NEBL: variants seen among roughly 807,000 people sequenced by gnomAD.
NEBL encodes LIM and SH3 protein 2.
In NEBL, 122 loss-of-function variants were observed where a neutral mutation model predicts 140.2. The ratio of observed to expected loss-of-function variants is 0.87; its 90% CI spans 0.75 to 1.01. The LOEUF is 1.01. Among genes scored for constraint, NEBL ranks in the 50% least tolerant of loss-of-function variants. The pLI is 0.00. For synonymous variants in NEBL, 436 were observed against 398.9 expected (o/e 1.09, Z -1.11); for missense variants, 1,365 against 1,231.3 (o/e 1.11, Z -1.62).
At chr10:21,105,080 C>T (rs956974718) in intron 2 of NEBL, among the ~76,000 whole-genome samples, 4 of 152,054 alleles carry the variant, frequency 2.6e-5, no homozygotes, top group East Asian at 1.9e-4. Flanking sequence ...CCCCACTTGG[C>T]GATGATATTA....
At chr10:21,070,829 G>A (rs1013380903) in intron 2 of NEBL, among the ~76,000 whole-genome samples, 5 of 152,160 alleles carry the variant, frequency 3.3e-5, no homozygotes, top group Non-Finnish European at 7.4e-5. Context: ...TGGCATACAT[G>A]TCTAAGAAGG....
At position 21,184,806 on chromosome 10, in the gene NEBL, C is replaced by T. The variant is rs185579787; in HGVS notation, n.349-12329G>A. Among the ~76,000 whole-genome samples, 533 of 152,234 alleles carry T rather than the reference C, an allele frequency of 3.5e-3. 3 individuals are homozygous for T. The highest frequency in any genetic ancestry group is 0.012 in the African/African-American group (511 of 41,532). ...GAAAAAGGTTATAAAAACATTTGTT[C>T]GTGATGATATCATTTTTTGTTAATT... On this transcript the variant is annotated intron_variant and non_coding_transcript_variant, in intron 3 of 8. Coordinates refer to the NEBL transcript ENST00000675702.
intron 23 of NEBL, among the ~76,000 whole-genome samples, chr10:20,813,200 T>C (rs1044022727): frequency 2.7e-5 from 4 of 150,862 alleles, no homozygotes; most frequent in African/African-American, 9.7e-5. Context: ...TATATATTAT[T>C]AATGAGAGCT....
chr10:20,960,374 CAGTATTCATGACTGATG>C (rs1835996100), intron 4 of NEBL, among the ~76,000 whole-genome samples: 1 of 152,006 alleles, frequency 6.6e-6, no homozygotes, highest in African/African-American at 2.4e-5. Flanking sequence ...CAGTGATCTT[CAGTATTCATGACTGATG>C]GATTGCTGGG....
In NEBL at chr10:20,852,614, T is replaced by G. The variant is rs542028206; in HGVS notation, c.939A>C (p.Gly313=). 1 of 1,613,594 alleles carries G rather than the reference T, an allele frequency of 6.2e-7. No individual in the cohort carries two copies. The highest frequency in any genetic ancestry group is 8.5e-7 in the Non-Finnish European group (1 of 1,179,788). ...CAGCATCTGCATCAAAATGATACAT[T>G]CCTTTGTTTTCCTCAAAGAGCTTTT... ...EYKKLFEENK[G]MYHFDADAVE... The change falls in exon 10 of 28, where the codon GGA becomes GGC. Residue 313 remains glycine (G), a synonymous_variant. Transcript: ENST00000377122.
At chr10:20,848,801 C>T (rs1381529515) in intron 11 of NEBL, among the ~76,000 whole-genome samples, 1 of 152,136 alleles carries the variant, frequency 6.6e-6, no homozygotes, top group Non-Finnish European at 1.5e-5. Flanking sequence ...AGATTGGAGA[C>T]CACTGAATAA....
chr10:20,961,615 T>A, intron 4 of NEBL: 1 of 1,285,968 alleles, frequency 7.8e-7, no homozygotes, highest in East Asian at 2.3e-5. Context: ...CAGCCTCCCT[T>A]TCTCATCCAG....
intron 24 of NEBL, among the ~76,000 whole-genome samples, chr10:20,811,386 G>A (rs1588660520): frequency 6.6e-6 from 1 of 152,138 alleles, no homozygotes; most frequent in Non-Finnish European, 1.5e-5. Flanking sequence ...CACCCTAAGT[G>A]AGATAAATCA....
intron 4 of NEBL, among the ~76,000 whole-genome samples, chr10:20,926,528 T>C (rs1833922128): frequency 6.6e-6 from 1 of 152,228 alleles, no homozygotes; most frequent in Non-Finnish European, 1.5e-5. Context: ...CCCAAGGTTA[T>C]CAAGTATGAG....
chr10:21,254,333 A>G (rs919586356), intron 1 of NEBL, among the ~76,000 whole-genome samples: 9 of 152,038 alleles, frequency 5.9e-5, no homozygotes, highest in Admixed American at 5.2e-4. Flanking sequence ...GGGTCTTGCT[A>G]TGCTGCCCAG....
At chr10:21,054,019 C>A (rs1012119027) in intron 2 of NEBL, among the ~76,000 whole-genome samples, 3 of 128,880 alleles carry the variant, frequency 2.3e-5, no homozygotes, top group Non-Finnish European at 1.6e-5. Flanking sequence ...GGCGACGAAG[C>A]AAGACTCCAT....
intron 3 of NEBL, among the ~76,000 whole-genome samples, chr10:21,018,657 T>C (rs11012489): frequency 0.28 from 41,822 of 152,026 alleles, 11,166 homozygotes; most frequent in African/African-American, 0.68. Flanking sequence ...TACAGGCAAC[T>C]GCAACCTCCC....
At position 21,291,231 on chromosome 10, in the gene NEBL, C is replaced by T. The variant is rs986612556; in HGVS notation, n.182+1599G>A. On this transcript the variant is annotated intron_variant and non_coding_transcript_variant, in intron 1 of 8. Coordinates refer to the NEBL transcript ENST00000675702. ...TCTAAGAAGGCTAAGAGAGGCCAGG[C>T]GCAGTGGCTCACACCTATAATCCCA... Among the ~76,000 whole-genome samples, 7 of 152,036 alleles carry T rather than the reference C, an allele frequency of 4.6e-5. No homozygotes were observed. In the East Asian group the frequency reaches 7.7e-4, roughly 17 times the overall value.
At chr10:21,062,687 TA>T (rs555454449) in intron 2 of NEBL, among the ~76,000 whole-genome samples, 66 of 144,376 alleles carry the variant, frequency 4.6e-4, no homozygotes, top group Non-Finnish European at 4.3e-4. Context: ...ATCCTGTCTC[TA>T]AAAAAAAAAG....
chr10:21,233,296 C>T (rs1842290425), intron 3 of NEBL, among the ~76,000 whole-genome samples: 1 of 152,164 alleles, frequency 6.6e-6, no homozygotes, highest in South Asian at 2.1e-4. Flanking sequence ...AATCTGCCCG[C>T]CTTGGCCTCC....
intron 1 of NEBL, among the ~76,000 whole-genome samples, chr10:21,255,473 C>T (rs749011736): frequency 9.2e-5 from 14 of 152,130 alleles, no homozygotes; most frequent in African/African-American, 1.4e-4. Context: ...ATTAACCACA[C>T]GCAACTACTT....
At chr10:21,210,965 C>T (rs1841906119) in intron 3 of NEBL, among the ~76,000 whole-genome samples, 1 of 152,108 alleles carries the variant, frequency 6.6e-6, no homozygotes, top group Non-Finnish European at 1.5e-5. Context: ...CATGCATGCC[C>T]TCTAGGTTCT....
At chr10:21,141,075 C>T (rs1413370197) in intron 2 of NEBL, among the ~76,000 whole-genome samples, 2 of 114,706 alleles carry the variant, frequency 1.7e-5, no homozygotes, top group Non-Finnish European at 3.4e-5. Flanking sequence ...AAAAAAAAAA[C>T]CTGCTCTATG....
At chr10:21,284,313 T>C (rs747080903) in intron 1 of NEBL, among the ~76,000 whole-genome samples, 26 of 151,188 alleles carry the variant, frequency 1.7e-4, no homozygotes, top group Non-Finnish European at 2.9e-4. Flanking sequence ...TAATTTCAGC[T>C]GCACTGAGCT....
Sources: gnomAD v4.1 joint callset for allele counts (sites outside exome capture counted in the v4.1 genomes callset) on GRCh38, gnomAD v4.1.1 for gene constraint, MANE v1.5 for transcripts, NCBI Gene and HGNC (gene_info 2026-07-23, HGNC 2026-07-21) for gene names.